Variants in GON4L observed in about 807,000 individuals in gnomAD.
The protein encoded by GON4L is GON-4-like protein.
Under a neutral mutation model 211.8 loss-of-function variants are expected in GON4L, and 87 were observed. The ratio of observed to expected loss-of-function variants is 0.41; its 90% CI spans 0.35 to 0.49. The LOEUF (loss-of-function observed/expected upper bound fraction) is 0.49. Ranked by LOEUF, GON4L falls within the 20% of genes least tolerant of loss-of-function variation. GON4L has a pLI of 0.15. For missense variants in GON4L, 2,155 were observed against 2,659.5 expected (o/e 0.81, Z 4.17); for synonymous variants, 875 against 962.6 (o/e 0.91, Z 1.68).
chr1:155,851,161 T>C (rs965905557), intron 2 of GON4L, among the ~76,000 whole-genome samples: 12 of 149,608 alleles, frequency 8.0e-5, no homozygotes, highest in African/African-American at 3.0e-4. Flanking sequence ...GACACTATCC[T>C]GGCTAACACG....
rs180989913 is a variant in GON4L at position 155,849,713 on chromosome 1, G to A, written c.505+3563C>T. Among the ~76,000 whole-genome samples, 15 of 142,686 alleles carry A rather than the reference G, an allele frequency of 1.1e-4. No homozygotes were observed. In the East Asian group the frequency reaches 3.1e-3, roughly 29 times the overall value. 93.6% of individuals were successfully genotyped at this position (142,686 alleles called of 152,430 possible). On this transcript the variant is annotated intron_variant, in intron 2 of 31. Coordinates refer to ENST00000368331, the MANE Select transcript of GON4L (RefSeq NM_001282860.2). The stretch of plus-strand genomic sequence containing the variant: ...TGCTTGAACCCATGAGGCGGAGGTT[G>A]CAGTGAGTCAAGATCGCACCACTGC...
At chr1:155,817,045 A>T (rs1292949105) in intron 6 of GON4L, among the ~76,000 whole-genome samples, 1 of 152,126 alleles carries the variant, frequency 6.6e-6, no homozygotes, top group Non-Finnish European at 1.5e-5. Flanking sequence ...AGGCTAGAGC[A>T]GCAGCACAAT....
At chr1:155,825,496 C>T (rs1445795120) in intron 3 of GON4L, among the ~76,000 whole-genome samples, 5 of 150,164 alleles carry the variant, frequency 3.3e-5, no homozygotes, top group African/African-American at 9.8e-5. Context: ...CGCTGGAACC[C>T]GGAAGGCAGA....
Position 155,765,536 on chromosome 1 carries a change from G to T in GON4L, c.3937C>A (p.Leu1313Ile). The change falls in exon 21 of 32, where the codon CTA becomes ATA. Residue 1313 changes from leucine to isoleucine, a missense_variant. Coordinates refer to ENST00000368331, the MANE Select transcript of GON4L (RefSeq NM_001282860.2). ...AAATCCCCAGGGGTAGGGTTGTTTA[G>T]AGACTCCTGGATGCCCTGAGGGAGC... Reference protein sequence around the residue: ...EPLPQGIQESLNNPTPGDLEE... With the variant: ...EPLPQGIQESINNPTPGDLEE... 1.9e-6 allele frequency: 3 copies of T among 1,614,160 alleles called. No homozygotes were observed. Among genetic ancestry groups the T allele is most frequent in the Non-Finnish European group, 2.5e-6 (3 of 1,180,046 alleles).
chr1:155,747,235 T>G (rs532884458), downstream of GON4L: 3 of 1,371,290 alleles, frequency 2.2e-6, no homozygotes, highest in African/African-American at 3.2e-5. Context: ...AGCAGAAACA[T>G]GGAGAAAGGT....
chr1:155,835,180 GCT>G (rs1384011374), intron 2 of GON4L, among the ~76,000 whole-genome samples: 1 of 152,050 alleles, frequency 6.6e-6, no homozygotes, highest in Non-Finnish European at 1.5e-5. Context: ...CCAACCCTGT[GCT>G]CTCTGAAACA....
intron 12 of GON4L, among the ~76,000 whole-genome samples, chr1:155,792,832 C>T (rs1665733544): frequency 6.6e-6 from 1 of 152,166 alleles, no homozygotes. Flanking sequence ...TCTCTGCTCG[C>T]TACAGCCTCC....
chr1:155,815,859 G>C lies in GON4L; in HGVS notation c.1107C>G (p.Ser369=), dbSNP rs1200179403. 1 of 1,607,482 alleles carries C rather than the reference G, an allele frequency of 6.2e-7. No homozygotes were observed. The highest frequency in any genetic ancestry group is 1.3e-5 in the African/African-American group (1 of 74,698). ...CATCCGGCTGGTATTCTTCATCTGA[G>C]GAATCATCTTCTTCAAGGTGGATAT... is the stretch of plus-strand genomic sequence containing the variant. ...FVDIHLEEDD[S]SDEEYQPDDE... The change falls in exon 8 of 32, where the codon TCC becomes TCG. Residue 369 remains serine (S), a synonymous_variant. Transcript: ENST00000368331.
At position 155,771,229 on chromosome 1, in the gene GON4L, G is replaced by T; in HGVS notation, c.2496-12C>A. On this transcript the variant is annotated splice_polypyrimidine_tract_variant and intron_variant, in intron 18 of 31. Coordinates refer to ENST00000368331, the MANE Select transcript of GON4L (RefSeq NM_001282860.2). ...CTAAAGCTAACAAACTGAGAAAGGA[G>T]AATAACACTAAATCTCACTTCACAG... 1 of 1,613,884 alleles carries T rather than the reference G, an allele frequency of 6.2e-7. No homozygotes were observed. The highest frequency in any genetic ancestry group is 1.1e-5 in the South Asian group (1 of 91,068).
intron 12 of GON4L, among the ~76,000 whole-genome samples, chr1:155,787,147 T>C (rs943952248): frequency 2.0e-5 from 3 of 151,348 alleles, no homozygotes; most frequent in African/African-American, 7.3e-5. Context: ...CCTGACCTCG[T>C]GATCCACCCG....
At chr1:155,748,061 G>A (rs1660306259), downstream of GON4L, 1 of 1,607,546 alleles carries the variant, frequency 6.2e-7, no homozygotes, top group South Asian at 1.1e-5. Context: ...TCTGCCCCTT[G>A]TCCTTGGGTG....
At chr1:155,854,907 C>T (rs1239407263) in intron 1 of GON4L, among the ~76,000 whole-genome samples, 1 of 151,976 alleles carries the variant, frequency 6.6e-6, no homozygotes, top group Non-Finnish European at 1.5e-5. Flanking sequence ...TGGTGGCACA[C>T]GCCTGTGATC....
chr1:155,850,057 C>T (rs945376009), intron 2 of GON4L, among the ~76,000 whole-genome samples: 1 of 150,834 alleles, frequency 6.6e-6, no homozygotes, highest in South Asian at 2.1e-4. Context: ...ACCTTCATTT[C>T]TCCTTTCCTT....
Position 155,837,949 on chromosome 1 carries a change from G to A in GON4L, c.506-10921C>T, listed in dbSNP as rs1443272455. Among the ~76,000 whole-genome samples, 3 of 152,242 alleles carry A rather than the reference G, an allele frequency of 2.0e-5. No individual in the cohort carries two copies. In the South Asian group the frequency reaches 6.2e-4, roughly 32 times the overall value. On this transcript the variant is annotated intron_variant, in intron 2 of 31. Transcript: ENST00000368331. The stretch of plus-strand genomic sequence containing the variant: ...TTTTCAAGTTCACATGAATCCTTTG[G>A]TAAATAAAACTTGTTTTCAAATTAT...
chr1:155,776,472 G>A lies in GON4L; in HGVS notation c.2101C>T (p.Leu701Phe), dbSNP rs760645818. Reference protein sequence around the residue: ...LQQQMQQHVQLLTQIHLLATC... With the variant: ...LQQQMQQHVQFLTQIHLLATC... ...GCAAGAAGGTGGATTTGGGTCAAGA[G>A]CTGAACGTGCTGGGGATGGAAAGAA... Residue 701 changes from leucine (L) to phenylalanine (F), a missense_variant, in exon 16 of 32, where the codon CTC becomes TTC. Physicochemically the swap from Leu to Phe is conservative, Grantham distance 22. This residue lies in a region of GON4L where 551 missense variants were observed against 854.0 expected (regional missense o/e 0.65). Transcript: ENST00000368331. 2 of 1,610,634 alleles carry A rather than the reference G, an allele frequency of 1.2e-6. No individual in the cohort carries two copies. The highest frequency in any genetic ancestry group is 2.7e-5 in the African/African-American group (2 of 74,946).
intron 12 of GON4L, among the ~76,000 whole-genome samples, chr1:155,790,781 T>TA (rs1274761435): frequency 6.6e-6 from 1 of 150,586 alleles, no homozygotes; most frequent in Non-Finnish European, 1.5e-5. Flanking sequence ...CTGTCTCTAC[T>TA]AAAAATACAA....
At chr1:155,796,289 T>TC (rs1557871603) in intron 11 of GON4L, among the ~76,000 whole-genome samples, 1 of 151,784 alleles carries the variant, frequency 6.6e-6, no homozygotes, top group Non-Finnish European at 1.5e-5. Context: ...TTTTCTTTTT[T>TC]TTTTTTGACA....
At position 155,751,747 on chromosome 1, in the gene GON4L, T is replaced by G. The variant is rs761306694; in HGVS notation, c.6576+20A>C. On this transcript the variant is annotated intron_variant, in intron 31 of 31. Coordinates refer to ENST00000368331, the MANE Select transcript of GON4L (RefSeq NM_001282860.2). The stretch of plus-strand genomic sequence containing the variant: ...ACCTTGACCTCTTTTTGCCAGGTCT[T>G]CACCCCAACCCGCACCTACCTCAGC... The G allele has an allele frequency of 2.6e-6, 4 of 1,548,342 alleles. No homozygotes were observed. Among genetic ancestry groups the G allele is most frequent in the Non-Finnish European group, 3.6e-6 (4 of 1,125,120 alleles).
chr1:155,765,130 G>C lies in GON4L; in HGVS notation c.4343C>G (p.Pro1448Arg). Reference protein sequence around the residue: ...DGQSVGTPVGPETGGEKNGPE... With the variant: ...DGQSVGTPVGRETGGEKNGPE... ...CCCATTCTTCTCTCCTCCAGTTTCT[G>C]GCCCAACTGGAGTCCCCACTGACTG... The change falls in exon 21 of 32, where the codon CCA becomes CGA. Residue 1448 changes from proline (P) to arginine (R), a missense_variant. Around this residue, in one of 6 missense-constraint regions of GON4L, gnomAD observed 615 missense variants for 625.7 expected, o/e 0.98. Transcript: ENST00000368331. 2 of 1,613,980 alleles carry C rather than the reference G, an allele frequency of 1.2e-6. No homozygotes were observed. Among genetic ancestry groups the C allele is most frequent in the Non-Finnish European group, 1.7e-6 (2 of 1,179,942 alleles).
Sources: gnomAD v4.1 joint callset for allele counts (sites outside exome capture counted in the v4.1 genomes callset) on GRCh38, gnomAD v4.1.1 for gene constraint, gnomAD v4.1.1 regional missense constraint, MANE v1.5 for transcripts, NCBI Gene and HGNC (gene_info 2026-07-23, HGNC 2026-07-21) for gene names.